Variants in USP7 observed in about 807,000 individuals in gnomAD.
USP7 encodes ubiquitin C-terminal hydrolase 7.
A neutral mutation model predicts 162.9 loss-of-function variants in USP7; 9 were observed. The observed-to-expected ratio is 0.06, with a 90% CI of 0.03 to 0.10. The LOEUF (loss-of-function observed/expected upper bound fraction) is 0.10. Ranked by LOEUF, USP7 falls within the 10% of genes least tolerant of loss-of-function variation. The pLI is 1.00. For missense variants in USP7, 715 were observed against 1,373.7 expected, an observed-to-expected ratio of 0.52 and a Z score of 7.58; for synonymous variants, 562 against 475.9, an observed-to-expected ratio of 1.18 and a Z score of -2.35.
chr16:8,947,352 C>A (rs888676837), intron 1 of USP7, among the ~76,000 whole-genome samples: 4 of 151,080 alleles, frequency 2.6e-5, no homozygotes, highest in South Asian at 2.1e-4. Context: ...GCACTCCCCC[C>A]CCCAACACAC....
chr16:8,949,805 C>T (rs930272613), intron 1 of USP7, among the ~76,000 whole-genome samples: 2 of 152,216 alleles, frequency 1.3e-5, no homozygotes, highest in African/African-American at 4.8e-5. Flanking sequence ...GCCCCCAGGG[C>T]CTGAAGCAGT....
At chr16:8,955,038 A>G (rs1011966518) in intron 1 of USP7, among the ~76,000 whole-genome samples, 2 of 152,246 alleles carry the variant, frequency 1.3e-5, no homozygotes, top group African/African-American at 4.8e-5. Flanking sequence ...CACGAGATGA[A>G]TGACAGTGGT....
chr16:8,941,716 G>C (rs903445649), intron 1 of USP7, among the ~76,000 whole-genome samples: 8 of 152,294 alleles, frequency 5.3e-5, no homozygotes, highest in African/African-American at 1.9e-4. Flanking sequence ...GCAGAGCCAG[G>C]ATCAGCTGTG....
intron 18 of USP7, 104 bp downstream of exon 18, chr16:8,901,978 T>A: frequency 1.1e-6 from 1 of 944,996 alleles, no homozygotes; most frequent in Non-Finnish European, 1.6e-6. Context: ...GATCAACACA[T>A]CTTTCTGCAA....
intron 15 of USP7, among the ~76,000 whole-genome samples, chr16:8,903,965 G>A (rs947291695): frequency 6.6e-6 from 1 of 151,998 alleles, no homozygotes; most frequent in Non-Finnish European, 1.5e-5. Context: ...GACAGCCAAC[G>A]GTGAGATGAC....
chr16:8,939,584 A>G (rs1479595506), intron 1 of USP7, among the ~76,000 whole-genome samples: 1 of 152,274 alleles, frequency 6.6e-6, no homozygotes, highest in Non-Finnish European at 1.5e-5. Flanking sequence ...CAATGCAGAC[A>G]TAGATAAGGA....
chr16:8,913,195 A>G (rs2061975600), intron 10 of USP7, among the ~76,000 whole-genome samples: 1 of 152,210 alleles, frequency 6.6e-6, no homozygotes, highest in Non-Finnish European at 1.5e-5. Flanking sequence ...GTCTCTACTG[A>G]AAATACAAAA....
At chr16:8,953,384 C>A (rs906050987) in intron 1 of USP7, among the ~76,000 whole-genome samples, 2 of 152,168 alleles carry the variant, frequency 1.3e-5, no homozygotes, top group South Asian at 2.1e-4. Context: ...AAAGCCTACA[C>A]CAGCCTCTGT....
intron 20 of USP7, 35 bp from the exon 21 acceptor site, chr16:8,900,665 G>C (rs1354559247): frequency 1.3e-6 from 2 of 1,511,262 alleles, no homozygotes; most frequent in Non-Finnish European, 9.1e-7. Flanking sequence ...TACACTGCAA[G>C]TTTGTCTAAC....
intron 21 of USP7, chr16:8,900,240 G>A (rs543788286): frequency 1.5e-5 from 5 of 330,624 alleles, no homozygotes; most frequent in South Asian, 5.2e-5. Context: ...AAGGAGTTTC[G>A]ATTTCATAAA....
chr16:8,929,515 T>C (rs1422331712), intron 2 of USP7: 2 of 455,916 alleles, frequency 4.4e-6, no homozygotes, highest in African/African-American at 2.0e-5. Context: ...CCGTGACTGA[T>C]GGTTTCTTTC....
chr16:8,927,981 C>G (rs1199352605), intron 2 of USP7, among the ~76,000 whole-genome samples: 1 of 152,198 alleles, frequency 6.6e-6, no homozygotes, highest in Non-Finnish European at 1.5e-5. Flanking sequence ...CCCATCACTA[C>G]AAACAATTAG....
At chr16:8,946,712 C>T (rs1444952455) in intron 1 of USP7, among the ~76,000 whole-genome samples, 2 of 152,220 alleles carry the variant, frequency 1.3e-5, no homozygotes, top group Non-Finnish European at 2.9e-5. Context: ...CACACACCAG[C>T]AGATGCAAAG....
At chr16:8,943,247 T>G (rs1311848776) in intron 1 of USP7, among the ~76,000 whole-genome samples, 2 of 151,974 alleles carry the variant, frequency 1.3e-5, no homozygotes, top group African/African-American at 4.8e-5. Flanking sequence ...GTCCAAACAC[T>G]GATGATTGGT....
In USP7 at chr16:8,903,439, A is replaced by G. The variant is rs568407967; in HGVS notation, c.1705-37T>C. Reference sequence around the variant, plus strand: ...TATGAAAGCACAGAAAAGACTTGACAACTGACAAAAAATGAGTCCACACTG... The same window carrying G: ...TATGAAAGCACAGAAAAGACTTGACGACTGACAAAAAATGAGTCCACACTG... On this transcript the variant is annotated intron_variant, in intron 15 of 30. Transcript: ENST00000344836. 6.9e-6 allele frequency: 11 copies of G among 1,599,812 alleles called. 1 individual carries two copies. The South Asian group carries it at 1.0e-4, about 15-fold the overall frequency.
At chr16:8,931,660 C>A (rs896769528) in intron 1 of USP7, among the ~76,000 whole-genome samples, 14 of 152,326 alleles carry the variant, frequency 9.2e-5, no homozygotes, top group African/African-American at 3.4e-4. Context: ...TAAGTTACCA[C>A]TGGTAAATAA....
At chr16:8,925,672 G>T (rs1897947133) in intron 2 of USP7, among the ~76,000 whole-genome samples, 1 of 152,132 alleles carries the variant, frequency 6.6e-6, no homozygotes, top group Non-Finnish European at 1.5e-5. Flanking sequence ...CCCGAGTGTG[G>T]CACTGCCCTG....
Position 8,894,529 on chromosome 16 carries a change from C to G in USP7, c.3202+21G>C, listed in dbSNP as rs201033241. ...TTAGTCTGAAACCCACACCAGCCCCCGGGGGGGGGAGAACCCTTACCGGGC... is the reference window on the plus strand; with the variant it reads ...TTAGTCTGAAACCCACACCAGCCCCGGGGGGGGGGAGAACCCTTACCGGGC... On this transcript the variant is annotated intron_variant, in intron 30 of 30. Transcript: ENST00000344836. The G allele has an allele frequency of 3.0e-5, 44 of 1,488,120 alleles. 1 individual carries two copies. The Middle Eastern group carries it at 7.2e-4, about 24-fold the overall frequency. The allele number at this position is 1,488,120 out of a possible 1,614,324, so 92.2% of individuals were successfully genotyped here.
chr16:8,899,565 G>T, intron 22 of USP7, 39 bp downstream of exon 22: 1 of 1,602,248 alleles, frequency 6.2e-7, no homozygotes, highest in African/African-American at 1.3e-5. Flanking sequence ...TGTCTTTCTG[G>T]AGTGGGATCT....
Sources: gnomAD v4.1 joint callset for allele counts (sites outside exome capture counted in the v4.1 genomes callset) on GRCh38, gnomAD v4.1.1 for gene constraint, MANE v1.5 for transcripts, NCBI Gene and HGNC (gene_info 2026-07-23, HGNC 2026-07-21) for gene names.